The following SLC9A9 variants were observed in gnomAD, a reference collection of about 807,000 sequenced individuals.
SLC9A9 encodes sodium/hydrogen exchanger 9.
A neutral mutation model predicts 77.8 loss-of-function variants in SLC9A9; 62 were observed. The ratio of observed to expected loss-of-function variants is 0.80; its 90% confidence interval spans 0.65 to 0.98. The LOEUF is 0.98. Among genes scored for constraint, SLC9A9 ranks in the 50% least tolerant of loss-of-function variants. The pLI, the probability that SLC9A9 is intolerant of heterozygous loss-of-function variation, is 0.00. For synonymous variants in SLC9A9, 320 were observed against 283.5 expected, an observed-to-expected ratio of 1.13 and a Z score of -1.29; for missense variants, 775 against 774.9, an observed-to-expected ratio of 1.00 and a Z score of 0.00.
chr3:143,331,969 A>C (rs982722642), intron 14 of SLC9A9, among the ~76,000 whole-genome samples: 17 of 152,198 alleles, frequency 1.1e-4, no homozygotes, highest in Admixed American at 2.0e-4. Context: ...TATTGAGAGG[A>C]AAGAAGGACA....
intron 2 of SLC9A9, among the ~76,000 whole-genome samples, chr3:143,806,639 C>A (rs933241568): frequency 6.6e-6 from 1 of 151,754 alleles, no homozygotes; most frequent in African/African-American, 2.4e-5. Context: ...CATATTTTTA[C>A]TCATTCTATA....
At chr3:143,517,611 G>A (rs982749224) in intron 9 of SLC9A9, 1 of 1,597,344 alleles carries the variant, frequency 6.3e-7, no homozygotes, top group African/African-American at 1.3e-5. Flanking sequence ...TTACAGGCAA[G>A]GGCAAGATCA....
At chr3:143,814,987 T>A (rs1458420955) in intron 2 of SLC9A9, among the ~76,000 whole-genome samples, 1 of 150,474 alleles carries the variant, frequency 6.6e-6, no homozygotes, top group Non-Finnish European at 1.5e-5. Flanking sequence ...ATCTGATAAA[T>A]GGCTCTTGGA....
intron 14 of SLC9A9, among the ~76,000 whole-genome samples, chr3:143,358,178 T>C (rs2032646199): frequency 6.6e-6 from 1 of 152,212 alleles, no homozygotes; most frequent in East Asian, 1.9e-4. Context: ...AGATGGGGTC[T>C]GGTACCTGCC....
chr3:143,382,471 C>T (rs6782465), intron 12 of SLC9A9, among the ~76,000 whole-genome samples: 16,476 of 152,134 alleles, frequency 0.11, 985 homozygotes, highest in South Asian at 0.16. Flanking sequence ...TGCAACCAAC[C>T]ATTGACCAAA....
At chr3:143,273,370 G>A (rs1937950291) in intron 14 of SLC9A9, among the ~76,000 whole-genome samples, 1 of 152,194 alleles carries the variant, frequency 6.6e-6, no homozygotes, top group African/African-American at 2.4e-5. Context: ...TCAGGGTGGG[G>A]CCCTTATGAT....
intron 14 of SLC9A9, among the ~76,000 whole-genome samples, chr3:143,316,010 G>A (rs774908106): frequency 6.6e-6 from 1 of 152,208 alleles, no homozygotes; most frequent in African/African-American, 2.4e-5. Context: ...ACATCTATAA[G>A]GTTCTGTGAT....
intron 14 of SLC9A9, among the ~76,000 whole-genome samples, chr3:143,274,054 A>G (rs1204582111): frequency 6.6e-6 from 1 of 152,220 alleles, no homozygotes; most frequent in East Asian, 1.9e-4. Context: ...TGGGATAGAT[A>G]CTTGACTCAA....
intron 12 of SLC9A9, among the ~76,000 whole-genome samples, chr3:143,402,051 A>G (rs760753965): frequency 2.0e-5 from 3 of 152,180 alleles, no homozygotes; most frequent in Non-Finnish European, 4.4e-5. Flanking sequence ...TGAAAACACC[A>G]GTCTCAGAAC....
chr3:143,349,941 G>A (rs374274835), intron 14 of SLC9A9, among the ~76,000 whole-genome samples: 105 of 152,282 alleles, frequency 6.9e-4, no homozygotes, highest in African/African-American at 2.0e-3. Context: ...AACTCCATCC[G>A]CGAGGCAAGG....
At chr3:143,679,102 A>G (rs1319561040) in intron 5 of SLC9A9, among the ~76,000 whole-genome samples, 1 of 81,390 alleles carries the variant, frequency 1.2e-5, no homozygotes, top group East Asian at 3.9e-4. Context: ...GGCTACACAC[A>G]GCAGTAAAAA....
At chr3:143,576,611 G>C (rs796375393) in intron 7 of SLC9A9, among the ~76,000 whole-genome samples, 14 of 152,308 alleles carry the variant, frequency 9.2e-5, no homozygotes, top group African/African-American at 3.1e-4. Context: ...TAAGAATTAA[G>C]AGGCAATAGG....
At chr3:143,329,974 C>T (rs561070978) in intron 14 of SLC9A9, among the ~76,000 whole-genome samples, 7 of 152,092 alleles carry the variant, frequency 4.6e-5, no homozygotes, top group South Asian at 2.1e-4. Flanking sequence ...AGGAGGAAAT[C>T]CTGAGAATCT....
At chr3:143,654,976 T>C (rs79573391) in intron 5 of SLC9A9, among the ~76,000 whole-genome samples, 2,515 of 152,370 alleles carry the variant, frequency 0.017, 53 homozygotes, top group African/African-American at 0.056. Flanking sequence ...CTCTGTTTCA[T>C]AAACGATGTC....
chr3:143,368,842 G>A (rs1171974856), intron 13 of SLC9A9, among the ~76,000 whole-genome samples: 2 of 152,214 alleles, frequency 1.3e-5, no homozygotes, highest in Non-Finnish European at 2.9e-5. Flanking sequence ...GGGTTCTGAA[G>A]AGGGAACACA....
At chr3:143,497,758 C>T (rs1314416921) in intron 9 of SLC9A9, among the ~76,000 whole-genome samples, 1 of 152,110 alleles carries the variant, frequency 6.6e-6, no homozygotes, top group East Asian at 1.9e-4. Flanking sequence ...TAAAACAGTC[C>T]TATTTCAGTT....
At chr3:143,461,230 T>A (rs1242234177) in intron 12 of SLC9A9, among the ~76,000 whole-genome samples, 4 of 152,178 alleles carry the variant, frequency 2.6e-5, no homozygotes, top group Non-Finnish European at 5.9e-5. Flanking sequence ...ATAATCCTTT[T>A]TGTGAGCATT....
chr3:143,551,132 A>C (rs1432510194), intron 9 of SLC9A9, among the ~76,000 whole-genome samples: 1 of 152,208 alleles, frequency 6.6e-6, no homozygotes, highest in East Asian at 1.9e-4. Context: ...ACTAAGGCAG[A>C]GATTGGGGTG....
At chr3:143,660,469 T>C (rs1387463223) in intron 5 of SLC9A9, among the ~76,000 whole-genome samples, 1 of 152,230 alleles carries the variant, frequency 6.6e-6, no homozygotes, top group Non-Finnish European at 1.5e-5. Context: ...GTCAACAACC[T>C]GAACCTAGAG....
Sources: gnomAD v4.1 joint callset for allele counts (sites outside exome capture counted in the v4.1 genomes callset) on GRCh38, gnomAD v4.1.1 for gene constraint, MANE v1.5 for transcripts, NCBI Gene and HGNC (gene_info 2026-07-23, HGNC 2026-07-21) for gene names.